The following ARHGEF7 variants were observed in gnomAD, a reference collection of about 807,000 sequenced individuals.
The protein encoded by ARHGEF7 is Rho guanine nucleotide exchange factor 7.
ARHGEF7 carries 33 observed loss-of-function variants against 109.8 expected under a neutral mutation model. The observed-to-expected ratio is 0.30, with a 90% CI of 0.23 to 0.40. The LOEUF (loss-of-function observed/expected upper bound fraction) is 0.40. Among genes scored for constraint, ARHGEF7 ranks in the 10% least tolerant of loss-of-function variants. The pLI, the probability that ARHGEF7 is intolerant of heterozygous loss-of-function variation, is 1.00. For missense variants in ARHGEF7, 938 were observed against 1,098.5 expected (o/e 0.85, Z 2.07); for synonymous variants, 458 against 424.6 (o/e 1.08, Z -0.97).
chr13:111,244,967 A>G (rs1274458217), intron 8 of ARHGEF7, among the ~76,000 whole-genome samples: 3 of 152,146 alleles, frequency 2.0e-5, no homozygotes, highest in Non-Finnish European at 4.4e-5. Context: ...AGTTGTCGAG[A>G]TGCTTGAAGA....
chr13:111,281,502 T>C (rs1044407921), intron 15 of ARHGEF7, among the ~76,000 whole-genome samples: 11 of 152,228 alleles, frequency 7.2e-5, no homozygotes, highest in African/African-American at 2.7e-4. Context: ...TGTACTCTGA[T>C]ATTCTCATCA....
At chr13:111,236,121 G>C (rs992106103) in intron 6 of ARHGEF7, among the ~76,000 whole-genome samples, 1 of 152,202 alleles carries the variant, frequency 6.6e-6, no homozygotes, top group Non-Finnish European at 1.5e-5. Context: ...ATTTATGTCT[G>C]TTATTATGAA....
rs1283076852 is a variant in ARHGEF7, at chr13:111,283,100, C to T, written c.1726-39C>T. The T allele has an allele frequency of 3.2e-6, 5 of 1,555,048 alleles. No individual in the cohort carries two copies. In the African/African-American group the frequency reaches 4.1e-5, roughly 13 times the overall value. On this transcript the variant is annotated intron_variant, in intron 15 of 21. Coordinates refer to ENST00000646102, the MANE Select transcript of ARHGEF7 (RefSeq NM_001354046.2). ...GCCCTTTCGCGGTGAGCACGCGAGT[C>T]TCATGTTCTCTGCCCTTCCCGCTCT... is the stretch of plus-strand genomic sequence containing the variant.
In ARHGEF7 at chr13:111,218,565, A is replaced by G. The variant is rs562123010; in HGVS notation, c.670+685A>G. Among the ~76,000 whole-genome samples the G allele has an allele frequency of 1.8e-4, 27 of 152,298 alleles. No individual in the cohort carries two copies. The South Asian group carries it at 3.9e-3, about 22-fold the overall frequency. On this transcript the variant is annotated intron_variant, in intron 5 of 21. Coordinates refer to ENST00000646102, the MANE Select transcript of ARHGEF7 (RefSeq NM_001354046.2). ...CTGTAGTTGAAAAACACCGTTGTAT[A>G]CTACAGTTCCTCAGATTCTGCTGGG...
At chr13:111,230,342 T>G (rs1170482302) in intron 5 of ARHGEF7, among the ~76,000 whole-genome samples, 1 of 152,234 alleles carries the variant, frequency 6.6e-6, no homozygotes, top group African/African-American at 2.4e-5. Flanking sequence ...GAGTATTTTC[T>G]AATCTATTTC....
In ARHGEF7 at chr13:111,283,065, C is replaced by T. The variant is rs148247321; in HGVS notation, c.1726-74C>T. On this transcript the variant is annotated intron_variant, in intron 15 of 21. Transcript: ENST00000646102. ...AGTGTTTAAAGAGCAGAAGGAAGTG[C>T]GTGATAAGTGCCCTTTCGCGGTGAG... 4.1e-5 allele frequency: 60 copies of T among 1,471,782 alleles called. No homozygotes were observed. The East Asian group carries it at 1.1e-3, about 27-fold the overall frequency. The allele number at this position is 1,471,782 out of a possible 1,614,324, so 91.2% of individuals were successfully genotyped here. A position where few individuals can be genotyped will look rare whatever the true frequency, so the allele number is the denominator to read the frequency against.
intron 19 of ARHGEF7, among the ~76,000 whole-genome samples, chr13:111,300,546 G>T (rs1174096989): frequency 6.6e-6 from 1 of 152,188 alleles, no homozygotes; most frequent in African/African-American, 2.4e-5. Flanking sequence ...TCTGGCTTTG[G>T]TCATGAGGAG....
At chr13:111,226,643 C>T (rs1186848397) in intron 5 of ARHGEF7, among the ~76,000 whole-genome samples, 3 of 152,178 alleles carry the variant, frequency 2.0e-5, no homozygotes, top group South Asian at 2.1e-4. Flanking sequence ...TGACAGTGTA[C>T]CTAATCACCC....
At chr13:111,220,489 CA>C (rs1481597811) in intron 5 of ARHGEF7, among the ~76,000 whole-genome samples, 1 of 152,138 alleles carries the variant, frequency 6.6e-6, no homozygotes, top group Non-Finnish European at 1.5e-5. Flanking sequence ...TAACCCAGAG[CA>C]AGGAAATTAC....
chr13:111,251,364 A>C (rs1442571080), intron 8 of ARHGEF7, among the ~76,000 whole-genome samples: 1 of 152,148 alleles, frequency 6.6e-6, no homozygotes, highest in Non-Finnish European at 1.5e-5. Context: ...CGGGCAGGCG[A>C]GATCAGGTCC....
chr13:111,211,297 A>C (rs2082457707), intron 4 of ARHGEF7, among the ~76,000 whole-genome samples: 2 of 152,336 alleles, frequency 1.3e-5, no homozygotes, highest in South Asian at 4.1e-4. Flanking sequence ...ACTTGAAATG[A>C]GCTCTGTAAA....
intron 2 of ARHGEF7, among the ~76,000 whole-genome samples, chr13:111,181,594 T>G (rs1204216716): frequency 1.3e-5 from 2 of 152,184 alleles, no homozygotes. Context: ...GTTCATCAGT[T>G]TGCACTCGGT....
At chr13:111,221,551 C>CTCCCCTTTATATGTATATATG (rs1566876757) in intron 5 of ARHGEF7, among the ~76,000 whole-genome samples, 1 of 58,720 alleles carries the variant, frequency 1.7e-5, no homozygotes, top group East Asian at 2.1e-3. Flanking sequence ...AGATACATAT[C>CTCCCCTTTATATGTATATATG]TATATATCTA....
At chr13:111,241,250 G>A (rs2087722165) in intron 6 of ARHGEF7, 2 of 1,536,092 alleles carry the variant, frequency 1.3e-6, no homozygotes, top group Admixed American at 3.9e-5. Flanking sequence ...GCGTTGGTGG[G>A]ATGGAGCTGT....
At chr13:111,211,869 A>T (rs983831265) in intron 4 of ARHGEF7, among the ~76,000 whole-genome samples, 20 of 152,202 alleles carry the variant, frequency 1.3e-4, no homozygotes, top group African/African-American at 4.8e-4. Flanking sequence ...CCATGATAAA[A>T]AGTTAAGCTA....
At chr13:111,159,117 T>C in intron 2 of ARHGEF7, 1 of 717,544 alleles carries the variant, frequency 1.4e-6, no homozygotes, top group Non-Finnish European at 2.6e-6. Context: ...ACACTTTACA[T>C]ATAGGTGAGA....
At chr13:111,275,961 G>A (rs973668895) in intron 12 of ARHGEF7, 23 of 410,426 alleles carry the variant, frequency 5.6e-5, no homozygotes, top group Middle Eastern at 7.5e-4. Flanking sequence ...AGACTTGCAG[G>A]AGTCCTGTGC....
intron 2 of ARHGEF7, among the ~76,000 whole-genome samples, chr13:111,156,074 C>T (rs2076299500): frequency 2.1e-5 from 2 of 93,822 alleles, no homozygotes; most frequent in Admixed American, 2.7e-4. Context: ...CAGAGCAAGA[C>T]TCCCTCAAAA....
chr13:111,293,081 G>C (rs529315195), intron 19 of ARHGEF7: 1 of 985,434 alleles, frequency 1.0e-6, no homozygotes, highest in African/African-American at 1.7e-5. Context: ...AGTGATTTCT[G>C]TTATAAGGCA....
Sources: gnomAD v4.1 joint callset for allele counts (sites outside exome capture counted in the v4.1 genomes callset) on GRCh38, gnomAD v4.1.1 for gene constraint, MANE v1.5 for transcripts, NCBI Gene and HGNC (gene_info 2026-07-23, HGNC 2026-07-21) for gene names.